The following FCHSD2 variants were observed in gnomAD, a reference collection of about 807,000 sequenced individuals.
FCHSD2 encodes the protein FCH and double SH3 domains 2.
In FCHSD2, 38 loss-of-function variants were observed where a neutral mutation model predicts 108.1. The observed-to-expected ratio is 0.35, with a 90% CI of 0.27 to 0.46. The LOEUF (loss-of-function observed/expected upper bound fraction) is 0.46, where lower values mean the gene tolerates loss of function less well. Ranked by LOEUF, FCHSD2 falls within the 20% of genes least tolerant of loss-of-function variation. FCHSD2 has a pLI of 1.00. For missense variants in FCHSD2, 751 were observed against 897.8 expected (o/e 0.84, Z 2.09); for synonymous variants, 279 against 314.7 (o/e 0.89, Z 1.20).
intron 12 of FCHSD2, among the ~76,000 whole-genome samples, chr11:72,868,246 G>C (rs138400995): frequency 7.9e-5 from 12 of 152,116 alleles, no homozygotes; most frequent in Non-Finnish European, 1.5e-4. Context: ...ACTAAGGCAG[G>C]AACAGAAAAC....
intron 9 of FCHSD2, among the ~76,000 whole-genome samples, chr11:72,907,386 G>A (rs1183118299): frequency 6.6e-6 from 1 of 152,156 alleles, no homozygotes; most frequent in Non-Finnish European, 1.5e-5. Flanking sequence ...TACAAATGGT[G>A]AGAGAGAGCA....
chr11:73,062,568 G>C (rs1001421639), intron 3 of FCHSD2, among the ~76,000 whole-genome samples: 1 of 152,166 alleles, frequency 6.6e-6, no homozygotes, highest in African/African-American at 2.4e-5. Context: ...TTGCTAACTA[G>C]AATAACCAGT....
At chr11:72,857,728 G>A (rs1861462606) in intron 13 of FCHSD2, among the ~76,000 whole-genome samples, 1 of 151,880 alleles carries the variant, frequency 6.6e-6, no homozygotes. Flanking sequence ...TGGATTACAG[G>A]CATGAGCCAC....
rs1371791969 is a variant in FCHSD2 at position 72,867,970 on chromosome 11, A to G, written c.1203T>C (p.Ser401=). ...RLDLLKQIGV[S]VDTWLKSAMN... Reference sequence around the variant, plus strand: ...TGGCACTCTTTAGCCATGTGTCCACAGAAACACCAATCTGCTTTAGCAGGT... The same window carrying G: ...TGGCACTCTTTAGCCATGTGTCCACGGAAACACCAATCTGCTTTAGCAGGT... The change falls in exon 13 of 20, where the codon TCT becomes TCC. Residue 401 remains serine, a synonymous_variant. Transcript: ENST00000409418. 2 of 1,588,300 alleles carry G rather than the reference A, an allele frequency of 1.3e-6. No homozygotes were observed. Among genetic ancestry groups the G allele is most frequent in the Non-Finnish European group, 1.7e-6 (2 of 1,166,868 alleles).
At chr11:73,061,655 G>C (rs1469502527) in intron 3 of FCHSD2, among the ~76,000 whole-genome samples, 2 of 152,166 alleles carry the variant, frequency 1.3e-5, no homozygotes, top group African/African-American at 4.8e-5. Flanking sequence ...GCTGAGGCTT[G>C]AGTAGGGTGG....
Position 72,921,855 on chromosome 11 carries a change from G to A in FCHSD2, c.801C>T (p.Phe267=), listed in dbSNP as rs1464689774. 1.2e-6 allele frequency: 2 copies of A among 1,610,828 alleles called. No homozygotes were observed. The highest frequency in any genetic ancestry group is 1.7e-6 in the Non-Finnish European group (2 of 1,178,216). Residue 267 remains phenylalanine (F), a synonymous_variant, in exon 9 of 20, where the codon TTC becomes TTT. Transcript: ENST00000409418. ...LETCQAVQNT[F]QFLLENSSKV... is the part of the protein sequence containing the mutation. Reference sequence around the variant, plus strand: ...TGCTGGAGTTTTCTAATAAAAACTGGAATGTGTTCTGCACAGCTTGGCATG... The same window carrying A: ...TGCTGGAGTTTTCTAATAAAAACTGAAATGTGTTCTGCACAGCTTGGCATG...
intron 6 of FCHSD2, among the ~76,000 whole-genome samples, chr11:72,987,167 C>T (rs568428887): frequency 6.6e-6 from 1 of 152,304 alleles, no homozygotes; most frequent in East Asian, 1.9e-4. Context: ...CATCTCCACA[C>T]CATCTATCAA....
intron 8 of FCHSD2, among the ~76,000 whole-genome samples, chr11:72,960,230 T>TC (rs1334867482): frequency 6.6e-6 from 1 of 151,988 alleles, no homozygotes; most frequent in African/African-American, 2.4e-5. Flanking sequence ...CCATGGCCAG[T>TC]CTCATGTGAA....
chr11:73,118,875 A>G (rs1312542204), intron 2 of FCHSD2, among the ~76,000 whole-genome samples: 1 of 152,222 alleles, frequency 6.6e-6, no homozygotes, highest in Non-Finnish European at 1.5e-5. Flanking sequence ...ACTAGGGGAA[A>G]ACCACATTTG....
intron 2 of FCHSD2, among the ~76,000 whole-genome samples, chr11:73,101,893 T>C (rs1468215916): frequency 1.3e-5 from 2 of 152,086 alleles, no homozygotes; most frequent in Non-Finnish European, 2.9e-5. Context: ...ACAGAATATA[T>C]TGTGTCTATG....
chr11:73,057,880 C>CT (rs775650024), intron 3 of FCHSD2, among the ~76,000 whole-genome samples: 1,615 of 137,166 alleles, frequency 0.012, 32 homozygotes, highest in African/African-American at 0.029. Flanking sequence ...ATTCGGTATT[C>CT]TTTTTTTTTT....
chr11:72,841,383 T>G, intron 18 of FCHSD2, 71 bp downstream of exon 18: 1 of 1,395,238 alleles, frequency 7.2e-7, no homozygotes, highest in Non-Finnish European at 9.7e-7. Context: ...AGTTTTTTTT[T>G]GCCCTTCAGG....
In FCHSD2 at chr11:73,076,939, T is replaced by G. The variant is rs1258037836; in HGVS notation, c.165+6756A>C. 3.3e-5 allele frequency among the ~76,000 whole-genome samples: 5 copies of G among 150,920 alleles called. 1 individual carries two copies. Among genetic ancestry groups the G allele is most frequent in the African/African-American group, 1.2e-4 (5 of 40,870 alleles). Reference sequence around the variant, plus strand: ...ACCTGGCTAACATGGTGAAACCCCGTCTCTACTAAAAATACAAAAAATTAG... The same window carrying G: ...ACCTGGCTAACATGGTGAAACCCCGGCTCTACTAAAAATACAAAAAATTAG... On this transcript the variant is annotated intron_variant, in intron 3 of 19. Transcript: ENST00000409418.
chr11:73,050,391 T>C (rs1177313093), intron 3 of FCHSD2, among the ~76,000 whole-genome samples: 5 of 152,160 alleles, frequency 3.3e-5, no homozygotes, highest in Non-Finnish European at 7.3e-5. Flanking sequence ...TAGAGACATA[T>C]CATATGCAGA....
chr11:73,053,852 T>C (rs1858959494), intron 3 of FCHSD2, among the ~76,000 whole-genome samples: 1 of 152,214 alleles, frequency 6.6e-6, no homozygotes, highest in Non-Finnish European at 1.5e-5. Flanking sequence ...AATTGTTTTC[T>C]TTTTCCCTAT....
intron 5 of FCHSD2, among the ~76,000 whole-genome samples, chr11:72,998,295 T>A (rs1200632858): frequency 6.6e-6 from 1 of 152,176 alleles, no homozygotes; most frequent in African/African-American, 2.4e-5. Context: ...ATCCCCGCAC[T>A]TTTGGAGGCT....
rs567568513 is a variant in FCHSD2 at position 72,851,669 on chromosome 11, G to A, written c.1309-1780C>T. 1.7e-3 allele frequency among the ~76,000 whole-genome samples: 253 copies of A among 152,242 alleles called. 1 individual carries two copies. The highest frequency in any genetic ancestry group is 5.6e-3 in the African/African-American group (232 of 41,538). ...GAGGCAGGAGAATTGCTTGAACCTGGGAGGCAGAGGTTGCAGTGAGCCGAG... is the reference window on the plus strand; with the variant it reads ...GAGGCAGGAGAATTGCTTGAACCTGAGAGGCAGAGGTTGCAGTGAGCCGAG... On this transcript the variant is annotated intron_variant, in intron 13 of 19. Coordinates refer to ENST00000409418, the MANE Select transcript of FCHSD2 (RefSeq NM_014824.3).
At chr11:72,940,746 G>C (rs1203278837) in intron 8 of FCHSD2, 1 of 861,470 alleles carries the variant, frequency 1.2e-6, no homozygotes, top group Non-Finnish European at 2.0e-6. Flanking sequence ...CTAATGGCAA[G>C]CCTGTTCATC....
chr11:72,999,396 T>C (rs1405947622), intron 5 of FCHSD2, among the ~76,000 whole-genome samples: 1 of 148,528 alleles, frequency 6.7e-6, no homozygotes, highest in Non-Finnish European at 1.5e-5. Context: ...CTCAGCTCAC[T>C]GCAATCTCCA....
Sources: gnomAD v4.1 joint callset for allele counts (sites outside exome capture counted in the v4.1 genomes callset) on GRCh38, gnomAD v4.1.1 for gene constraint, MANE v1.5 for transcripts, NCBI Gene and HGNC (gene_info 2026-07-23, HGNC 2026-07-21) for gene names.